The following PHF20L1 variants were observed in gnomAD, a reference collection of about 807,000 sequenced individuals.
PHF20L1 encodes PHD finger protein 20-like protein 1.
PHF20L1 carries 44 observed loss-of-function variants against 125.5 expected under a neutral mutation model. That is an observed-to-expected ratio of 0.35 (90% CI 0.28 to 0.45). PHF20L1 has a LOEUF of 0.45. PHF20L1 is among the 20% of genes least tolerant of loss of function. PHF20L1 has a pLI of 1.00. For synonymous variants in PHF20L1, 380 were observed against 403.1 expected, an observed-to-expected ratio of 0.94 and a Z score of 0.69; for missense variants, 1,012 against 1,217.2, an observed-to-expected ratio of 0.83 and a Z score of 2.51.
chr8:132,805,525 AATACTTTCATG>A (rs1340203577), intron 8 of PHF20L1, among the ~76,000 whole-genome samples: 1 of 151,980 alleles, frequency 6.6e-6, no homozygotes, highest in Non-Finnish European at 1.5e-5. Context: ...GGGGAGTTTA[AATACTTTCATG>A]ATTTAGTCAT....
chr8:132,834,372 G>A (rs1391576580), intron 15 of PHF20L1, among the ~76,000 whole-genome samples: 1 of 151,968 alleles, frequency 6.6e-6, no homozygotes, highest in East Asian at 1.9e-4. Context: ...ATCTTGCTCT[G>A]TTGCCTAGGC....
chr8:132,817,292 C>G, intron 11 of PHF20L1, 47 bp from the exon 12 acceptor site: 1 of 1,468,252 alleles, frequency 6.8e-7, no homozygotes, highest in Non-Finnish European at 9.5e-7. Flanking sequence ...AGTAACTGAG[C>G]CATTTTATCT....
Position 132,777,854 on chromosome 8 carries a change from C to G in PHF20L1, c.26C>G (p.Pro9Arg), listed in dbSNP as rs1830000608. The G allele has an allele frequency of 6.2e-7, 1 of 1,613,060 alleles. No individual in the cohort carries two copies. Residue 9 changes from proline (P) to arginine (R), a missense_variant, in exon 2 of 21, where the codon CCT (proline) becomes CGT (arginine). Pro to Arg is a moderately radical substitution (Grantham distance 103). Around this residue, in one of 7 missense-constraint regions of PHF20L1, gnomAD observed 94 missense variants for 179.5 expected, o/e 0.52. Transcript: ENST00000395386. MSKKPPNR[P>R]GITFEIGARL... is the part of the protein sequence containing the mutation. ...ATGAGTAAAAAGCCCCCAAATCGCC[C>G]TGGAATCACTTTTGAGATTGGTGCT... is the stretch of plus-strand genomic sequence containing the variant.
At chr8:132,836,366 A>G (rs1837359156) in intron 15 of PHF20L1, 174 bp from the exon 16 acceptor site, 1 of 502,106 alleles carries the variant, frequency 2.0e-6, no homozygotes, top group Admixed American at 3.7e-5. Flanking sequence ...CTAAGCTTCA[A>G]AAATCTTTTG....
intron 19 of PHF20L1, chr8:132,843,429 G>T (rs1838128115): frequency 1.0e-6 from 1 of 979,400 alleles, no homozygotes; most frequent in South Asian, 4.7e-5. Context: ...AATTAATGAG[G>T]CCACTTTAAA....
At chr8:132,787,130 G>T (rs1266170113) in intron 2 of PHF20L1, among the ~76,000 whole-genome samples, 1 of 151,978 alleles carries the variant, frequency 6.6e-6, no homozygotes, top group Non-Finnish European at 1.5e-5. Context: ...GCGTAGGAAA[G>T]AAATTCTCTG....
At chr8:132,830,860 A>G (rs976663830) in intron 14 of PHF20L1, among the ~76,000 whole-genome samples, 1 of 151,824 alleles carries the variant, frequency 6.6e-6, no homozygotes, top group Non-Finnish European at 1.5e-5. Context: ...TGGTTTCTCC[A>G]CCTTGCATTT....
chr8:132,818,763 A>G (rs1049743023), intron 12 of PHF20L1: 6 of 151,818 alleles, frequency 4.0e-5, no homozygotes, highest in African/African-American at 1.5e-4. Context: ...CCATTGAGAT[A>G]CTTTTTTGAT....
chr8:132,831,049 T>C (rs1836718607), intron 14 of PHF20L1, among the ~76,000 whole-genome samples: 1 of 152,024 alleles, frequency 6.6e-6, no homozygotes, highest in African/African-American at 2.4e-5. Flanking sequence ...AACATTTCTT[T>C]CCTGGACTAC....
chr8:132,825,017 G>A (rs371987467), intron 13 of PHF20L1: 1 of 1,418,140 alleles, frequency 7.1e-7, no homozygotes, highest in Non-Finnish European at 9.5e-7. Flanking sequence ...TTTAACTACT[G>A]TCTGTGTTAA....
chr8:132,830,270 C>T (rs1563840780), intron 14 of PHF20L1, among the ~76,000 whole-genome samples: 2 of 152,052 alleles, frequency 1.3e-5, no homozygotes, highest in African/African-American at 4.8e-5. Context: ...CTGCCTCCAT[C>T]CTTTCACTTT....
chr8:132,792,126 T>A (rs922367779), intron 2 of PHF20L1, among the ~76,000 whole-genome samples: 6 of 152,342 alleles, frequency 3.9e-5, no homozygotes, highest in Non-Finnish European at 7.4e-5. Context: ...ATAAACTCCT[T>A]ATTTTTTTAT....
At chr8:132,833,806 A>T (rs925372076) in intron 15 of PHF20L1, among the ~76,000 whole-genome samples, 1 of 152,142 alleles carries the variant, frequency 6.6e-6, no homozygotes, top group Non-Finnish European at 1.5e-5. Flanking sequence ...CTTATGATCA[A>T]GTACTAAGTC....
chr8:132,784,202 A>G (rs187140611), intron 2 of PHF20L1, among the ~76,000 whole-genome samples: 61 of 152,224 alleles, frequency 4.0e-4, no homozygotes, highest in African/African-American at 1.4e-3. Context: ...TTCTTGCTCT[A>G]GTGTTCTTCC....
intron 8 of PHF20L1, chr8:132,806,906 A>G (rs1046674219): frequency 2.6e-5 from 4 of 151,940 alleles, no homozygotes; most frequent in Non-Finnish European, 4.4e-5. Flanking sequence ...AAATACGTGG[A>G]CCAGCTATTG....
Position 132,837,829 on chromosome 8 carries a change from G to GTGC in PHF20L1, c.2191+21_2191+23dup, listed in dbSNP as rs753263338. The GTGC allele has an allele frequency of 2.1e-5, 33 of 1,561,954 alleles. No individual in the cohort carries two copies. The highest frequency in any genetic ancestry group is 1.5e-5 in the Non-Finnish European group (17 of 1,133,760). On this transcript the variant is annotated intron_variant, in intron 17 of 20. Coordinates refer to ENST00000395386, the MANE Select transcript of PHF20L1 (RefSeq NM_016018.5). Reference sequence around the variant, plus strand: ...CCCACCAGGTAAGGCTTTCTGTGCCGTGCTGATTGCCAGGATGCCTCTATG... The same window carrying GTGC: ...CCCACCAGGTAAGGCTTTCTGTGCCGTGCTGCTGATTGCCAGGATGCCTCTATG...
intron 14 of PHF20L1, among the ~76,000 whole-genome samples, chr8:132,829,578 C>T (rs1209696148): frequency 6.6e-6 from 1 of 151,994 alleles, no homozygotes; most frequent in Admixed American, 6.6e-5. Context: ...CCAAAGACTG[C>T]TGTAATCTGA....
At chr8:132,803,028 CT>C (rs1299143501) in intron 6 of PHF20L1, among the ~76,000 whole-genome samples, 3 of 151,536 alleles carry the variant, frequency 2.0e-5, no homozygotes, top group South Asian at 4.2e-4. Context: ...TTCCTTACAC[CT>C]TTTTTTATAA....
intron 11 of PHF20L1, 101 bp from the exon 12 acceptor site, chr8:132,817,238 G>A (rs1186760167): frequency 1.3e-5 from 14 of 1,059,380 alleles, no homozygotes; most frequent in Non-Finnish European, 1.9e-5. Flanking sequence ...CCTTCTTTGT[G>A]CCAGGCACTG....
Sources: allele counts gnomAD v4.1 joint callset (sites outside exome capture counted in the v4.1 genomes callset), GRCh38; gene constraint gnomAD v4.1.1; regional missense constraint gnomAD v4.1.1; transcripts MANE v1.5; gene names NCBI Gene and HGNC (gene_info 2026-07-23, HGNC 2026-07-21).